FOXP2: variants seen among roughly 807,000 people sequenced by gnomAD.
FOXP2 encodes forkhead box protein P2.
FOXP2 carries 12 observed loss-of-function variants against 115.8 expected under a neutral mutation model. The ratio of observed to expected loss-of-function variants is 0.10; its 90% CI spans 0.07 to 0.17. The LOEUF is 0.17. Ranked by LOEUF, FOXP2 falls within the 10% of genes least tolerant of loss-of-function variation. The probability of loss-of-function intolerance (pLI) is 1.00; values close to 1 mark genes in which losing one functional copy is unlikely to be tolerated. For missense variants in FOXP2, 629 were observed against 843.5 expected, an observed-to-expected ratio of 0.75 and a Z score of 3.15; for synonymous variants, 328 against 297.7, an observed-to-expected ratio of 1.10 and a Z score of -1.05.
At chr7:114,158,992 C>T (rs1792750550), upstream of FOXP2, among the ~76,000 whole-genome samples, 1 of 152,048 alleles carries the variant, frequency 6.6e-6, no homozygotes, top group South Asian at 2.1e-4. Context: ...GATTGTATAA[C>T]CAGTAGGTAC....
At chr7:114,525,903 G>T (rs1798833591) in intron 2 of FOXP2, among the ~76,000 whole-genome samples, 1 of 151,956 alleles carries the variant, frequency 6.6e-6, no homozygotes, top group African/African-American at 2.4e-5. Context: ...CTTGAGGTCA[G>T]GAGTTTCAGA....
At chr7:114,252,689 C>G (rs1021270189) in intron 1 of FOXP2, among the ~76,000 whole-genome samples, 1 of 152,024 alleles carries the variant, frequency 6.6e-6, no homozygotes, top group Non-Finnish European at 1.5e-5. Flanking sequence ...CTCTTTTCTT[C>G]TTTATTAGTC....
At chr7:114,608,345 C>T (rs1014193157) in intron 3 of FOXP2, among the ~76,000 whole-genome samples, 1 of 152,134 alleles carries the variant, frequency 6.6e-6, no homozygotes, top group Non-Finnish European at 1.5e-5. Flanking sequence ...AAGTTGTCTG[C>T]AAACTTTTTT....
chr7:114,658,285 A>G lies in FOXP2; in HGVS notation c.1468+18A>G. On this transcript the variant is annotated intron_variant, in intron 11 of 16. Coordinates refer to ENST00000350908, the MANE Select transcript of FOXP2 (RefSeq NM_014491.4). ...GTCATCAGGTAGGATATGAATGCTC[A>G]GTAGAGCACTTTTACTTTGGGAGAG... The G allele has an allele frequency of 1.2e-6, 2 of 1,612,004 alleles. No individual in the cohort carries two copies. Among genetic ancestry groups the G allele is most frequent in the African/African-American group, 1.3e-5 (1 of 75,002 alleles).
In FOXP2 at chr7:114,172,661, AG is replaced by A. The variant is rs1276151909; in HGVS notation, c.-102+9575del. On this transcript the variant is annotated intron_variant, in intron 1 of 17. Coordinates refer to the FOXP2 transcript ENST00000634411. Reference sequence around the variant, plus strand: ...CTTCTCAATTTTCCTGTAAATCTATAGGAGTACTTTAAAGTCTATTAATTAA... The same window carrying A: ...CTTCTCAATTTTCCTGTAAATCTATAGAGTACTTTAAAGTCTATTAATTAA... Among the ~76,000 whole-genome samples the A allele has an allele frequency of 2.0e-5, 3 of 152,178 alleles. No individual in the cohort carries two copies. In the East Asian group the frequency reaches 5.8e-4, roughly 29 times the overall value.
intron 1 of FOXP2, among the ~76,000 whole-genome samples, chr7:114,131,464 G>A (rs1791873631): frequency 6.6e-6 from 1 of 151,678 alleles, no homozygotes; most frequent in African/African-American, 2.4e-5. Flanking sequence ...TTTGTAAAAG[G>A]TTACCGGGAC....
At chr7:114,558,928 G>A (rs1399524564) in intron 3 of FOXP2, among the ~76,000 whole-genome samples, 4 of 152,156 alleles carry the variant, frequency 2.6e-5, no homozygotes, top group Non-Finnish European at 5.9e-5. Flanking sequence ...AACTGAGATG[G>A]CAATGTATAC....
chr7:114,491,435 A>T (rs1191056066), intron 2 of FOXP2, among the ~76,000 whole-genome samples: 4 of 145,434 alleles, frequency 2.8e-5, no homozygotes, highest in East Asian at 2.0e-4. Context: ...GATTGCAAAA[A>T]TTTTCTCCCA....
chr7:114,322,022 CT>C (rs5886698), intron 2 of FOXP2, among the ~76,000 whole-genome samples: 106,221 of 128,366 alleles, frequency 0.83, 45,006 homozygotes, highest in Non-Finnish European at 0.94. Context: ...CAGAGGATTC[CT>C]TTTTTTTTTT....
chr7:114,619,150 A>G (rs1441385424), intron 3 of FOXP2, among the ~76,000 whole-genome samples: 1 of 152,128 alleles, frequency 6.6e-6, no homozygotes, highest in Non-Finnish European at 1.5e-5. Context: ...CTTCATTAAT[A>G]CCTTTTAAAA....
chr7:114,272,853 G>C (rs1396555412), intron 1 of FOXP2, among the ~76,000 whole-genome samples: 1 of 151,676 alleles, frequency 6.6e-6, no homozygotes, highest in Non-Finnish European at 1.5e-5. Context: ...TCTGGATAAA[G>C]GCGCCTCAAT....
intron 1 of FOXP2, among the ~76,000 whole-genome samples, chr7:114,199,298 C>T (rs1022011028): frequency 2.6e-5 from 4 of 152,192 alleles, no homozygotes; most frequent in African/African-American, 9.6e-5. Flanking sequence ...TTAACTATCA[C>T]AGCTTTCCTT....
chr7:114,447,413 TAG>T (rs2129216188), intron 2 of FOXP2, among the ~76,000 whole-genome samples: 1 of 152,170 alleles, frequency 6.6e-6, no homozygotes, highest in East Asian at 1.9e-4. Flanking sequence ...GCAAGGCTTA[TAG>T]AGTTTCCCAT....
chr7:114,300,058 T>TCA (rs1252241390), intron 2 of FOXP2, among the ~76,000 whole-genome samples: 2 of 150,558 alleles, frequency 1.3e-5, no homozygotes, highest in Non-Finnish European at 3.0e-5. Context: ...GTACACACAC[T>TCA]CACACACACA....
At chr7:114,279,019 G>A (rs1043761247) in intron 1 of FOXP2, among the ~76,000 whole-genome samples, 36 of 152,126 alleles carry the variant, frequency 2.4e-4, no homozygotes, top group African/African-American at 8.4e-4. Flanking sequence ...TAGAATAGAA[G>A]GTGGAGGTAC....
At chr7:114,103,398 C>G (rs1368145144) in intron 1 of FOXP2, among the ~76,000 whole-genome samples, 1 of 151,908 alleles carries the variant, frequency 6.6e-6, no homozygotes, top group Non-Finnish European at 1.5e-5. Context: ...TACAGTGGCT[C>G]TTTAGGTTTT....
At chr7:114,155,568 A>G (rs1020045334) in intron 1 of FOXP2, among the ~76,000 whole-genome samples, 2 of 152,136 alleles carry the variant, frequency 1.3e-5, no homozygotes, top group Non-Finnish European at 1.5e-5. Context: ...CTGATGCAGG[A>G]GAGAATTAGC....
chr7:114,159,320 T>A (rs1475596877), upstream of FOXP2, among the ~76,000 whole-genome samples: 1 of 152,106 alleles, frequency 6.6e-6, no homozygotes, highest in Non-Finnish European at 1.5e-5. Flanking sequence ...CATATTGGAT[T>A]TTTCAGCTAG....
At chr7:114,131,820 A>G (rs1222139671) in intron 1 of FOXP2, among the ~76,000 whole-genome samples, 4 of 152,204 alleles carry the variant, frequency 2.6e-5, no homozygotes, top group East Asian at 1.9e-4. Flanking sequence ...AATCATTCAC[A>G]TAGGGTAGTT....
Sources: gnomAD v4.1 joint callset for allele counts (sites outside exome capture counted in the v4.1 genomes callset) on GRCh38, gnomAD v4.1.1 for gene constraint, MANE v1.5 for transcripts, NCBI Gene and HGNC (gene_info 2026-07-23, HGNC 2026-07-21) for gene names.